MPPED2: variants seen among roughly 807,000 people sequenced by gnomAD.
The protein encoded by MPPED2 is metallophosphoesterase domain containing 2.
Under a neutral mutation model 33.0 loss-of-function variants are expected in MPPED2, and 5 were observed. The observed-to-expected ratio is 0.15, with a 90% CI of 0.08 to 0.32. MPPED2 has a LOEUF of 0.32. MPPED2 is among the 10% of genes least tolerant of loss of function. The pLI, the probability that MPPED2 is intolerant of heterozygous loss-of-function variation, is 1.00. For synonymous variants in MPPED2, 136 were observed against 141.9 expected (o/e 0.96, Z 0.29); for missense variants, 275 against 372.1 (o/e 0.74, Z 2.15).
At chr11:30,479,349 T>C (rs1951374996) in intron 4 of MPPED2, among the ~76,000 whole-genome samples, 1 of 152,112 alleles carries the variant, frequency 6.6e-6, no homozygotes, top group Non-Finnish European at 1.5e-5. Context: ...TTACATATAA[T>C]GTCAAAAGAT....
chr11:30,539,548 T>G (rs989178994), intron 2 of MPPED2, among the ~76,000 whole-genome samples: 1 of 152,194 alleles, frequency 6.6e-6, no homozygotes, highest in Non-Finnish European at 1.5e-5. Flanking sequence ...ACATGACATC[T>G]GAATCTCCTC....
At chr11:30,513,811 C>T (rs761208344) in intron 3 of MPPED2, among the ~76,000 whole-genome samples, 5 of 151,946 alleles carry the variant, frequency 3.3e-5, no homozygotes, top group Non-Finnish European at 7.4e-5. Flanking sequence ...AAAAAGGAAA[C>T]AAGAAAAGTA....
chr11:30,444,450 A>AT (rs59838605), intron 4 of MPPED2, among the ~76,000 whole-genome samples: 11,119 of 139,402 alleles, frequency 0.08, 489 homozygotes, highest in South Asian at 0.18. Context: ...ACATCATTCT[A>AT]TTTTTTTTTT....
chr11:30,559,201 C>T (rs189591640), intron 2 of MPPED2, among the ~76,000 whole-genome samples: 1 of 152,266 alleles, frequency 6.6e-6, no homozygotes, highest in Non-Finnish European at 1.5e-5. Context: ...ATATGTAATT[C>T]TATGCCCTAA....
intron 4 of MPPED2, among the ~76,000 whole-genome samples, chr11:30,455,044 A>G (rs935499429): frequency 1.3e-5 from 2 of 152,226 alleles, no homozygotes; most frequent in African/African-American, 4.8e-5. Context: ...ACCAAATGCT[A>G]CTGCATAACT....
chr11:30,419,599 A>G (rs956675266), intron 4 of MPPED2, among the ~76,000 whole-genome samples: 19 of 152,318 alleles, frequency 1.2e-4, no homozygotes, highest in African/African-American at 4.6e-4. Context: ...CCCACTCAGT[A>G]CATGTGCTTC....
chr11:30,511,874 A>G (rs748993792), intron 3 of MPPED2, among the ~76,000 whole-genome samples: 10 of 152,348 alleles, frequency 6.6e-5, no homozygotes, highest in Middle Eastern at 6.8e-3. Context: ...GGAGATTAAA[A>G]TGCAATCCAT....
At chr11:30,538,930 G>C (rs911802818) in intron 2 of MPPED2, among the ~76,000 whole-genome samples, 4 of 152,170 alleles carry the variant, frequency 2.6e-5, no homozygotes, top group Admixed American at 2.6e-4. Flanking sequence ...GATGGTTTCA[G>C]AAGACAAGGC....
intron 6 of MPPED2, among the ~76,000 whole-genome samples, chr11:30,402,575 G>A (rs532426128): frequency 6.6e-5 from 10 of 152,142 alleles, no homozygotes; most frequent in Non-Finnish European, 1.3e-4. Context: ...GAAAGATAGT[G>A]ATCAAAAGAT....
chr11:30,486,093 C>T (rs566119406), intron 4 of MPPED2, among the ~76,000 whole-genome samples: 1 of 152,280 alleles, frequency 6.6e-6, no homozygotes, highest in South Asian at 2.1e-4. Flanking sequence ...ACCCATCTCA[C>T]CTTCATCAGA....
At chr11:30,440,496 C>T (rs953844955) in intron 4 of MPPED2, among the ~76,000 whole-genome samples, 1 of 152,130 alleles carries the variant, frequency 6.6e-6, no homozygotes, top group African/African-American at 2.4e-5. Context: ...TTACAGAAAA[C>T]ATTTGCTGAC....
intron 1 of MPPED2, among the ~76,000 whole-genome samples, chr11:30,585,623 C>T (rs986352405): frequency 6.6e-6 from 1 of 152,116 alleles, no homozygotes; most frequent in South Asian, 2.1e-4. Flanking sequence ...AGCTTCTCGC[C>T]GATACCCCCT....
At chr11:30,467,151 T>C (rs185824210) in intron 4 of MPPED2, among the ~76,000 whole-genome samples, 1 of 152,108 alleles carries the variant, frequency 6.6e-6, no homozygotes, top group Admixed American at 6.5e-5. Flanking sequence ...ACCCCCACAC[T>C]TTCTGGCTTT....
chr11:30,449,042 C>T (rs1949937284), intron 4 of MPPED2, among the ~76,000 whole-genome samples: 1 of 152,182 alleles, frequency 6.6e-6, no homozygotes, highest in South Asian at 2.1e-4. Context: ...TTTTAGTCAT[C>T]TGTTTACTTG....
In MPPED2 at chr11:30,579,857, A is replaced by G. The variant is rs1277302844; in HGVS notation, c.128+389T>C. Among the ~76,000 whole-genome samples, 3 of 152,164 alleles carry G rather than the reference A, an allele frequency of 2.0e-5. No individual in the cohort carries two copies. In the East Asian group the frequency reaches 5.8e-4, roughly 29 times the overall value. Reference sequence around the variant, plus strand: ...AAAAAAAAAAACTACAGAAATTTTAAAGAAATATTTCAGAATGGAGGCAAG... The same window carrying G: ...AAAAAAAAAAACTACAGAAATTTTAGAGAAATATTTCAGAATGGAGGCAAG... On this transcript the variant is annotated intron_variant, in intron 2 of 6. Transcript: ENST00000358117.
chr11:30,411,331 T>C lies in MPPED2; in HGVS notation c.*137A>G. On this transcript the variant is annotated 3_prime_UTR_variant, in exon 7 of 7. Coordinates refer to ENST00000358117, the MANE Select transcript of MPPED2 (RefSeq NM_001584.3). ...ATAAAATAAAATAAGAAGCACAACC[T>C]CTAGCATCATTTGTGTTCCAACAAT... 3.7e-6 allele frequency: 5 copies of C among 1,356,570 alleles called. No homozygotes were observed. The highest frequency in any genetic ancestry group is 4.8e-6 in the Non-Finnish European group (5 of 1,043,104). The allele number at this position is 1,356,570 out of a possible 1,614,324, so 84.0% of individuals were successfully genotyped here. A position where few individuals can be genotyped will look rare whatever the true frequency, so the allele number is the denominator to read the frequency against.
At chr11:30,553,511 C>T (rs1371458100) in intron 2 of MPPED2, among the ~76,000 whole-genome samples, 2 of 152,162 alleles carry the variant, frequency 1.3e-5, no homozygotes, top group Non-Finnish European at 2.9e-5. Flanking sequence ...AAACAACAAA[C>T]ACGAATTTTT....
At chr11:30,520,039 A>G (rs904215455) in intron 3 of MPPED2, among the ~76,000 whole-genome samples, 2 of 152,204 alleles carry the variant, frequency 1.3e-5, no homozygotes. Context: ...AGTCTCTTCA[A>G]AACCAAAAGG....
chr11:30,519,796 A>G (rs1017354999), intron 3 of MPPED2, among the ~76,000 whole-genome samples: 1 of 152,100 alleles, frequency 6.6e-6, no homozygotes, highest in Non-Finnish European at 1.5e-5. Context: ...CACCATCACC[A>G]CCACTAACAT....
Sources: allele counts gnomAD v4.1 joint callset (sites outside exome capture counted in the v4.1 genomes callset), GRCh38; gene constraint gnomAD v4.1.1; transcripts MANE v1.5; gene names NCBI Gene and HGNC (gene_info 2026-07-23, HGNC 2026-07-21).